Variants in FRMD4B observed in about 807,000 individuals in gnomAD.
FRMD4B encodes the protein FERM domain containing 4B.
Under a neutral mutation model 141.5 loss-of-function variants are expected in FRMD4B, and 74 were observed. That is an observed-to-expected ratio of 0.52 (90% CI 0.43 to 0.63). The LOEUF (loss-of-function observed/expected upper bound fraction) is 0.63. Ranked by LOEUF, FRMD4B falls within the 30% of genes least tolerant of loss-of-function variation. The probability of loss-of-function intolerance (pLI) is 0.00; values close to 1 mark genes in which losing one functional copy is unlikely to be tolerated. For missense variants in FRMD4B, 1,366 were observed against 1,253.4 expected (o/e 1.09, Z -1.36); for synonymous variants, 506 against 467.9 (o/e 1.08, Z -1.05).
intron 11 of FRMD4B, 102 bp from the exon 12 acceptor site, chr3:69,198,876 A>G: frequency 1.5e-6 from 1 of 672,458 alleles, no homozygotes. Context: ...AAGAAGGTAC[A>G]CTGATACGAT....
chr3:69,191,434 AAAAAC>A (rs1221490329), intron 17 of FRMD4B, among the ~76,000 whole-genome samples: 44 of 151,622 alleles, frequency 2.9e-4, no homozygotes, highest in African/African-American at 9.8e-4. Flanking sequence ...AAAAAAAACA[AAAAAC>A]AAACAAAAAA....
intron 18 of FRMD4B, among the ~76,000 whole-genome samples, chr3:69,189,115 G>A (rs1034214607): frequency 6.6e-6 from 1 of 151,462 alleles, no homozygotes; most frequent in Admixed American, 6.6e-5. Context: ...CCAGCTACTC[G>A]GGAGGCTGAG....
chr3:69,448,857 A>G (rs999287911), intron 1 of FRMD4B, among the ~76,000 whole-genome samples: 4 of 152,214 alleles, frequency 2.6e-5, no homozygotes, highest in Admixed American at 6.5e-5. Context: ...TCTTTAGTGT[A>G]TATTCCTTGA....
At chr3:69,457,300 C>A (rs1366363220) in intron 1 of FRMD4B, among the ~76,000 whole-genome samples, 2 of 152,134 alleles carry the variant, frequency 1.3e-5, no homozygotes, top group Non-Finnish European at 2.9e-5. Flanking sequence ...GTTAGCATGG[C>A]TGTATCTGGG....
intron 7 of FRMD4B, among the ~76,000 whole-genome samples, chr3:69,242,697 A>G (rs2093394796): frequency 6.9e-6 from 1 of 145,918 alleles, no homozygotes; most frequent in East Asian, 2.0e-4. Context: ...AATCTTAGGA[A>G]AAAAAAAAAA....
chr3:69,247,929 G>A (rs996851804), intron 7 of FRMD4B, among the ~76,000 whole-genome samples: 5 of 152,116 alleles, frequency 3.3e-5, no homozygotes, highest in African/African-American at 4.8e-5. Context: ...GATTACAGGC[G>A]TGAGCCACCG....
At chr3:69,468,653 A>G (rs956908998) in intron 1 of FRMD4B, among the ~76,000 whole-genome samples, 19 of 152,190 alleles carry the variant, frequency 1.2e-4, no homozygotes, top group Non-Finnish European at 2.2e-4. Flanking sequence ...TTTGACTGCT[A>G]TCCTGTCTGG....
At chr3:69,447,333 C>T (rs1705424336) in intron 1 of FRMD4B, among the ~76,000 whole-genome samples, 1 of 152,032 alleles carries the variant, frequency 6.6e-6, no homozygotes, top group East Asian at 1.9e-4. Context: ...AGTAAATAAC[C>T]AGAACCTTGA....
rs1314488178 is a variant in FRMD4B at position 69,499,045 on chromosome 3, T to C, written c.-129+43161A>G. Among the ~76,000 whole-genome samples the C allele has an allele frequency of 2.6e-5, 4 of 152,288 alleles. 1 individual carries two copies. In the South Asian group the frequency reaches 8.3e-4, roughly 32 times the overall value. ...AAGGATACTTGTTAATAAAAGTCCT[T>C]TGTAAAACAAAGACACTGAGCTGAG... On this transcript the variant is annotated intron_variant, in intron 1 of 5. Transcript: ENST00000459638.
intron 2 of FRMD4B, among the ~76,000 whole-genome samples, chr3:69,419,334 G>C (rs569293850): frequency 1.3e-5 from 2 of 152,278 alleles, no homozygotes; most frequent in Admixed American, 1.3e-4. Flanking sequence ...CCTGAAATCT[G>C]TCTCTCTCTA....
At position 69,215,284 on chromosome 3, in the gene FRMD4B, CTTTTTT is replaced by C. The variant is rs577275162; in HGVS notation, c.876+973_876+978del. Among the ~76,000 whole-genome samples, 207 of 45,208 alleles carry C rather than the reference CTTTTTT, an allele frequency of 4.6e-3. 3 individuals are homozygous for C. The East Asian group carries it at 0.056, about 12-fold the overall frequency. The allele number at this position is 45,208 out of a possible 152,430, so 29.7% of individuals were successfully genotyped here. The stretch of plus-strand genomic sequence containing the variant: ...TCCAAATCTGATAGATTGTGACCCT[CTTTTTT>C]TTTTTTTTTTTTTTTTTTTTGAGAT... On this transcript the variant is annotated intron_variant, in intron 11 of 22. Transcript: ENST00000398540.
rs1184795648 is a variant in FRMD4B at position 69,169,455 on chromosome 3, T to C, written c.*2406A>G. Among the ~76,000 whole-genome samples, 1 of 149,248 alleles carries C rather than the reference T, an allele frequency of 6.7e-6. No homozygotes were observed. Among genetic ancestry groups the C allele is most frequent in the Non-Finnish European group, 1.5e-5 (1 of 67,574 alleles). ...TCACTGCAACCTCCGCCTCCTGGGCTCAAGATATCCTCCCAACTCAGCCTC... is the reference window on the plus strand; with the variant it reads ...TCACTGCAACCTCCGCCTCCTGGGCCCAAGATATCCTCCCAACTCAGCCTC... On this transcript the variant is annotated 3_prime_UTR_variant, in exon 23 of 23. Coordinates refer to ENST00000398540, the MANE Select transcript of FRMD4B (RefSeq NM_015123.3).
intron 1 of FRMD4B, among the ~76,000 whole-genome samples, chr3:69,365,750 G>A (rs975834063): frequency 6.6e-6 from 1 of 151,862 alleles, no homozygotes; most frequent in Non-Finnish European, 1.5e-5. Flanking sequence ...CACCCGCCTC[G>A]GCCTCCCAAA....
rs959320032 is a variant in FRMD4B at position 69,494,856 on chromosome 3, C to T, written c.-129+47350G>A. Among the ~76,000 whole-genome samples, 4 of 151,110 alleles carry T rather than the reference C, an allele frequency of 2.6e-5. No individual in the cohort carries two copies. The East Asian group carries it at 7.8e-4, about 30-fold the overall frequency. On this transcript the variant is annotated intron_variant, in intron 1 of 5. Transcript: ENST00000459638. ...GCAGTGATCCAAGATCACGCCACTG[C>T]ACTCCAGCATGGGCAACAAGAGTGA...
intron 7 of FRMD4B, among the ~76,000 whole-genome samples, chr3:69,248,858 TC>T (rs2106773135): frequency 6.6e-6 from 1 of 152,386 alleles, no homozygotes; most frequent in East Asian, 1.9e-4. Flanking sequence ...ATGGATTTAA[TC>T]TTTTTGTGCA....
chr3:69,520,588 T>C (rs1700840177), intron 1 of FRMD4B, among the ~76,000 whole-genome samples: 1 of 151,762 alleles, frequency 6.6e-6, no homozygotes. Context: ...AGCCACTCAG[T>C]GTGAGGGAGC....
At chr3:69,440,231 G>A (rs992798550) in intron 1 of FRMD4B, among the ~76,000 whole-genome samples, 30 of 151,840 alleles carry the variant, frequency 2.0e-4, no homozygotes, top group Admixed American at 2.0e-3. Flanking sequence ...ATTTATTCTT[G>A]TACAAACTGT....
At chr3:69,334,092 A>T (rs1316480323) in intron 1 of FRMD4B, 1 of 152,172 alleles carries the variant, frequency 6.6e-6, no homozygotes, top group Admixed American at 6.6e-5. Context: ...CACTCTTAAG[A>T]TAATGGGGCT....
chr3:69,173,476 T>A (rs2092609763), intron 22 of FRMD4B, among the ~76,000 whole-genome samples: 1 of 152,134 alleles, frequency 6.6e-6, no homozygotes, highest in South Asian at 2.1e-4. Context: ...AACGGGAAAA[T>A]CTAGTTTTTC....
Sources: allele counts gnomAD v4.1 joint callset (sites outside exome capture counted in the v4.1 genomes callset), GRCh38; gene constraint gnomAD v4.1.1; transcripts MANE v1.5; gene names NCBI Gene and HGNC (gene_info 2026-07-23, HGNC 2026-07-21).